BNC2: variants seen among roughly 807,000 people sequenced by gnomAD.
BNC2 encodes basonuclin zinc finger protein 2, also known as zinc finger protein basonuclin-2.
Under a neutral mutation model 76.3 loss-of-function variants are expected in BNC2, and 20 were observed. The observed-to-expected ratio is 0.26, with a 90% CI of 0.18 to 0.38. The LOEUF is 0.38. Among genes scored for constraint, BNC2 ranks in the 10% least tolerant of loss-of-function variants. The pLI is 1.00. For missense variants in BNC2, 1,382 were observed against 1,399.8 expected (o/e 0.99, Z 0.20); for synonymous variants, 582 against 514.8 (o/e 1.13, Z -1.77).
chr9:16,584,351 A>G (rs755749875), intron 3 of BNC2, among the ~76,000 whole-genome samples: 12 of 152,178 alleles, frequency 7.9e-5, no homozygotes, highest in Non-Finnish European at 1.8e-4. Context: ...TGTTAACATG[A>G]CTGGGACAAA....
intron 1 of BNC2, among the ~76,000 whole-genome samples, chr9:16,862,903 A>G (rs1030557625): frequency 8.0e-6 from 1 of 124,364 alleles, no homozygotes; most frequent in Non-Finnish European, 1.6e-5. Flanking sequence ...ATATATAGCT[A>G]TATATAGATA....
At chr9:16,743,740 T>C (rs1230886238) in intron 1 of BNC2, among the ~76,000 whole-genome samples, 1 of 152,154 alleles carries the variant, frequency 6.6e-6, no homozygotes, top group Admixed American at 6.5e-5. Flanking sequence ...ACATGATGGG[T>C]ATAGGGTGTT....
chr9:16,764,666 A>G (rs1272940835), intron 1 of BNC2, among the ~76,000 whole-genome samples: 1 of 152,166 alleles, frequency 6.6e-6, no homozygotes, highest in Non-Finnish European at 1.5e-5. Context: ...AACTACTAAT[A>G]TAACATTTTA....
intron 5 of BNC2, among the ~76,000 whole-genome samples, chr9:16,502,158 T>C (rs1284134462): frequency 6.6e-6 from 1 of 151,590 alleles, no homozygotes; most frequent in Non-Finnish European, 1.5e-5. Flanking sequence ...AGGGTAGGAG[T>C]TTGAGACTAG....
At chr9:16,685,396 C>G in intron 3 of BNC2, 1 of 404,914 alleles carries the variant, frequency 2.5e-6, no homozygotes, top group Non-Finnish European at 5.0e-6. Context: ...TGAAAAGGAC[C>G]TATGGCTGCA....
chr9:16,466,091 G>A (rs1342634379), intron 5 of BNC2, among the ~76,000 whole-genome samples: 1 of 77,178 alleles, frequency 1.3e-5, no homozygotes, highest in Non-Finnish European at 2.5e-5. Flanking sequence ...TTGCTTCAAA[G>A]AGAATAAAAT....
At chr9:16,536,314 T>C (rs1317360479) in intron 5 of BNC2, among the ~76,000 whole-genome samples, 1 of 152,118 alleles carries the variant, frequency 6.6e-6, no homozygotes. Flanking sequence ...TGTGGAAAAA[T>C]TAAAAATGCT....
chr9:16,850,408 C>T (rs1491002623), intron 1 of BNC2, among the ~76,000 whole-genome samples: 2 of 152,114 alleles, frequency 1.3e-5, no homozygotes, highest in Admixed American at 1.3e-4. Flanking sequence ...AAAGAAGCTC[C>T]ATAACTAGTG....
intron 3 of BNC2, among the ~76,000 whole-genome samples, chr9:16,711,440 C>T (rs1823844593): frequency 6.6e-6 from 1 of 152,080 alleles, no homozygotes; most frequent in African/African-American, 2.4e-5. Flanking sequence ...TTTGAAAGGT[C>T]TGGAGAATGG....
intron 1 of BNC2, among the ~76,000 whole-genome samples, chr9:16,758,792 C>T (rs994539615): frequency 6.6e-6 from 1 of 152,170 alleles, no homozygotes; most frequent in Admixed American, 6.5e-5. Context: ...ATTTAAAAAT[C>T]TGCCAATTTA....
At chr9:16,832,345 G>A (rs1320088086) in intron 1 of BNC2, 3 of 1,257,082 alleles carry the variant, frequency 2.4e-6, no homozygotes, top group African/African-American at 1.6e-5. Flanking sequence ...GAGAAAACCA[G>A]GCAATCTGTG....
At chr9:16,815,663 T>TC (rs1818165866) in intron 1 of BNC2, among the ~76,000 whole-genome samples, 1 of 152,214 alleles carries the variant, frequency 6.6e-6, no homozygotes, top group Admixed American at 6.5e-5. Flanking sequence ...AGAGGTTATT[T>TC]CCCCCTTTCT....
chr9:16,481,929 T>A (rs1203145614), intron 5 of BNC2, among the ~76,000 whole-genome samples: 1 of 152,194 alleles, frequency 6.6e-6, no homozygotes, highest in Non-Finnish European at 1.5e-5. Context: ...AATACTATAA[T>A]CTTAGTACCA....
intron 6 of BNC2, chr9:16,421,210 G>C: frequency 8.2e-7 from 1 of 1,224,646 alleles, no homozygotes; most frequent in Non-Finnish European, 1.1e-6. Flanking sequence ...TGGGTTTTAA[G>C]GGGCAGAGGG....
intron 1 of BNC2, among the ~76,000 whole-genome samples, chr9:16,823,943 T>C (rs1818397675): frequency 6.6e-6 from 1 of 152,250 alleles, no homozygotes; most frequent in East Asian, 1.9e-4. Context: ...ATAAGATGCC[T>C]ACAGACAATT....
chr9:16,703,657 G>C lies in BNC2; in HGVS notation c.330+24140C>G, dbSNP rs150361253. ...ACAAGCCATCATACAAACACCATTA[G>C]TCAGATTAAACTCAGGGGTCTATCT... On this transcript the variant is annotated intron_variant, in intron 3 of 6. Transcript: ENST00000380672. Among the ~76,000 whole-genome samples the C allele has an allele frequency of 2.1e-4, 32 of 152,218 alleles. No individual in the cohort carries two copies. The East Asian group carries it at 5.8e-3, about 28-fold the overall frequency.
In BNC2 at chr9:16,757,825, C is replaced by T. The variant is rs934198261; in HGVS notation, c.4-19340G>A. ...CATTATAATAAAGTCTTATAAATTA[C>T]AATTTTATATGCAAGCAAATAGCTT... On this transcript the variant is annotated intron_variant, in intron 1 of 6. Coordinates refer to ENST00000380672, the MANE Select transcript of BNC2 (RefSeq NM_017637.6). 5.1e-4 allele frequency among the ~76,000 whole-genome samples: 77 copies of T among 151,826 alleles called. 1 individual carries two copies. The highest frequency in any genetic ancestry group is 1.8e-3 in the Admixed American group (27 of 15,246).
chr9:16,717,090 C>T (rs918069097), intron 3 of BNC2, among the ~76,000 whole-genome samples: 2 of 152,116 alleles, frequency 1.3e-5, no homozygotes, highest in Non-Finnish European at 2.9e-5. Context: ...AAACATTTTT[C>T]CTTAATTTCC....
chr9:16,833,470 G>C (rs532172439), intron 1 of BNC2, among the ~76,000 whole-genome samples: 1 of 151,936 alleles, frequency 6.6e-6, no homozygotes, highest in Non-Finnish European at 1.5e-5. Flanking sequence ...CAAGAGCTTC[G>C]AGGTCATTAG....
Sources: allele counts gnomAD v4.1 joint callset (sites outside exome capture counted in the v4.1 genomes callset), GRCh38; gene constraint gnomAD v4.1.1; transcripts MANE v1.5; gene names NCBI Gene and HGNC (gene_info 2026-07-23, HGNC 2026-07-21).